TTN: variants seen among roughly 807,000 people sequenced by gnomAD.
TTN encodes the protein titin.
TTN carries 1,525 observed loss-of-function variants against 3,223.0 expected under a neutral mutation model. That is an observed-to-expected ratio of 0.47 (90% CI 0.45 to 0.49). The LOEUF (loss-of-function observed/expected upper bound fraction) is 0.49. TTN is among the 20% of genes least tolerant of loss of function. The probability of loss-of-function intolerance (pLI) is 0.00; values close to 1 mark genes in which losing one functional copy is unlikely to be tolerated. For missense variants in TTN, 40,786 were observed against 43,424.0 expected, an observed-to-expected ratio of 0.94 and a Z score of 5.40; for synonymous variants, 14,094 against 15,161.0, an observed-to-expected ratio of 0.93 and a Z score of 5.17.
intron 125 of TTN, 122 bp from the exon 126 acceptor site, chr2:178,688,900 C>T (rs982907666): frequency 6.3e-6 from 7 of 1,106,704 alleles, no homozygotes; most frequent in African/African-American, 4.7e-5. Flanking sequence ...AAACAAGTTA[C>T]ATATCACAAG....
chr2:178,649,111 T>TC lies in TTN; in HGVS notation c.40057+136dup, dbSNP rs2062496312. 4.5e-6 allele frequency: 3 copies of TC among 662,442 alleles called. No individual in the cohort carries two copies. In the South Asian group the frequency reaches 8.3e-5, roughly 18 times the overall value. The allele number at this position is 662,442 out of a possible 1,614,324, so 41.0% of individuals were successfully genotyped here. A position where few individuals can be genotyped will look rare whatever the true frequency, so the allele number is the denominator to read the frequency against. On this transcript the variant is annotated intron_variant, in intron 213 of 362. Coordinates refer to ENST00000589042, the MANE Select transcript of TTN (RefSeq NM_001267550.2). ...CTCCTGCTTGTCTGTTTCATTTTTT[T>TC]CCCTTCATTATTTCCCTTTTTTCTG...
Position 178,723,853 on chromosome 2 carries a change from G to A in TTN, c.21403+3C>T. The A allele has an allele frequency of 1.9e-6, 3 of 1,601,022 alleles. No homozygotes were observed. The East Asian group carries it at 6.7e-5, about 36-fold the overall frequency. ...TTCCTTACAAGTTTGACTGTCTACT[G>A]ACCTTGTACAGTTAGCACTGCACGA... On this transcript the variant is annotated splice_donor_region_variant and intron_variant, in intron 73 of 362. Coordinates refer to ENST00000589042, the MANE Select transcript of TTN (RefSeq NM_001267550.2).
intron 250 of TTN, chr2:178,619,346 ACT>A (rs2057911009): frequency 2.0e-6 from 1 of 494,320 alleles, no homozygotes; most frequent in Admixed American, 3.9e-5. Flanking sequence ...ATTTGCCAAG[ACT>A]CTCAGGGTGA....
In TTN at chr2:178,681,169, G is replaced by T; in HGVS notation, c.33250C>A (p.Pro11084Thr). The T allele has an allele frequency of 6.3e-7, 1 of 1,597,360 alleles. No homozygotes were observed. The highest frequency in any genetic ancestry group is 1.2e-5 in the South Asian group (1 of 86,762). Residue 11084 changes from proline to threonine, a missense_variant and splice_region_variant, in exon 138 of 363, where the codon CCT (proline) becomes ACT (threonine). Coordinates refer to ENST00000589042, the MANE Select transcript of TTN (RefSeq NM_001267550.2). The part of the protein sequence containing the change: ...KKLKPPPPKV[P>T]EEPKKVFEEK... ...TCAAAAACTTTCTTTGGTTCTTCAG[G>T]CACTTTAAAGATATTAATTATTAAA... is the stretch of plus-strand genomic sequence containing the variant.
Position 178,684,322 on chromosome 2 carries a change from G to A in TTN, c.32722+8C>T, listed in dbSNP as rs765936606. On this transcript the variant is annotated splice_region_variant and intron_variant, in intron 132 of 362. Coordinates refer to ENST00000589042, the MANE Select transcript of TTN (RefSeq NM_001267550.2). ...ACAATATTGTGCATAATGGAAGGGC[G>A]GATGTACCTCTTGCTTTTGGAGGCG... 2.0e-5 allele frequency: 32 copies of A among 1,612,598 alleles called. No homozygotes were observed. The East Asian group carries it at 2.5e-4, about 12-fold the overall frequency.
chr2:178,675,986 AT>A lies in TTN; in HGVS notation c.34387del (p.Ile11463LeufsTer5), dbSNP rs1443305324. On this transcript the variant is annotated frameshift_variant, in exon 148 of 363. Transcript: ENST00000589042. LOFTEE classifies it high-confidence loss of function. ...EPPPPPKVPE[I>X]KKKVTEKKVV... ...TTTCTTCTCTGTCACTTTCTTCTTA[AT>A]TTCAGGCACTTTAAAGACATCATTT... The A allele has an allele frequency of 6.2e-7, 1 of 1,600,594 alleles. No homozygotes were observed. Among genetic ancestry groups the A allele is most frequent in the Non-Finnish European group, 8.5e-7 (1 of 1,172,478 alleles).
rs755186242 is a variant in TTN, at chr2:178,731,919, G to A, written c.16956C>T (p.Tyr5652=). ...CCACCTCAGCCAGCAACATGACATC[G>A]TACTCCTTTAAGACTTCAATTGGCT... ...EFKPIEVLKE[Y]DVMLLAEVAG... is the part of the protein sequence containing the mutation. Residue 5652 remains tyrosine, a synonymous_variant, in exon 58 of 363, where the codon TAC becomes TAT. Coordinates refer to ENST00000589042, the MANE Select transcript of TTN (RefSeq NM_001267550.2). 22 of 1,613,398 alleles carry A rather than the reference G, an allele frequency of 1.4e-5. No homozygotes were observed. Among genetic ancestry groups the A allele is most frequent in the Non-Finnish European group, 1.9e-5 (22 of 1,179,648 alleles).
rs201693851 is a variant in TTN, at chr2:178,589,218, C to T, written c.62507G>A (p.Arg20836Gln). ...AACTACATATTTACCCCCATCACTTCGCTTTGCTTTAGTAAGAGAAAATTT... is the reference window on the plus strand; with the variant it reads ...AACTACATATTTACCCCCATCACTTTGCTTTGCTTTAGTAAGAGAAAATTT... ...SSKFSLTKAK[R>Q]SDGGKYVVTA... The change falls in exon 304 of 363, where the codon CGA becomes CAA. Residue 20836 changes from arginine to glutamine, a missense_variant. By Grantham distance (43) the Arg-to-Gln change is conservative (BLOSUM62 1). Transcript: ENST00000589042. 424 of 1,613,368 alleles carry T rather than the reference C, an allele frequency of 2.6e-4. No individual in the cohort carries two copies. Among genetic ancestry groups the T allele is most frequent in the Non-Finnish European group, 3.4e-4 (406 of 1,179,620 alleles).
At chr2:178,536,601 T>A in intron 356 of TTN, 26 bp from the exon 357 acceptor site, 1 of 1,473,846 alleles carries the variant, frequency 6.8e-7, no homozygotes, top group South Asian at 1.5e-5. Context: ...AAGATTTGAG[T>A]CATGAGATGA....
Position 178,552,268 on chromosome 2 carries a change from C to T in TTN, c.90632G>A (p.Cys30211Tyr). Residue 30211 changes from cysteine to tyrosine, a missense_variant, in exon 335 of 363, where the codon TGT (cysteine) becomes TAT (tyrosine). Transcript: ENST00000589042. ...GACTGTAATGGGGACTGCAATTCTA[C>T]ACACTGCATTATCAAGAATAACAGT... ...KYTVILDNAV[C>Y]RIAVPITVIT... is the part of the protein sequence containing the mutation. The T allele has an allele frequency of 2.5e-6, 4 of 1,613,564 alleles. No individual in the cohort carries two copies. Among genetic ancestry groups the T allele is most frequent in the Non-Finnish European group, 3.4e-6 (4 of 1,179,696 alleles).
At position 178,624,688 on chromosome 2, in the gene TTN, G is replaced by A. The variant is rs397517578; in HGVS notation, c.44592C>T (p.Val14864=). The part of the protein sequence containing the change: ...EFTKPLEDQT[V]EEGATAVLEC... ...CCAGCACTGCAGTGGCTCCCTCTTC[G>A]ACCGTCTGGTCCTCAAGAGGCTTAG... is the stretch of plus-strand genomic sequence containing the variant. Residue 14864 remains valine (V), a synonymous_variant, in exon 242 of 363, where the codon GTC becomes GTT. Transcript: ENST00000589042. 1.1e-5 allele frequency: 18 copies of A among 1,612,080 alleles called. No homozygotes were observed. In the Admixed American group the frequency reaches 1.7e-4, roughly 15 times the overall value.
In TTN at chr2:178,601,336, C is replaced by T. The variant is rs202126861; in HGVS notation, c.55661G>A (p.Arg18554Gln). 2.0e-5 allele frequency: 33 copies of T among 1,609,924 alleles called. No individual in the cohort carries two copies. The highest frequency in any genetic ancestry group is 1.3e-4 in the African/African-American group (10 of 74,880). ...LSEQQYFFRV[R>Q]AENRFGIGPP... ...GCCAATACCAAAACGGTTTTCTGCT[C>T]GCACACGGAAGAAATATTGCTGTTC... The change falls in exon 287 of 363, where the codon CGA (arginine) becomes CAA (glutamine). Residue 18554 changes from arginine (R) to glutamine (Q), a missense_variant. By Grantham distance (43) the Arg-to-Gln change is conservative. Transcript: ENST00000589042.
In TTN at chr2:178,570,674, G is replaced by A. The variant is rs368058280; in HGVS notation, c.75458C>T (p.Ser25153Leu). Residue 25153 changes from serine to leucine, a missense_variant, in exon 326 of 363, where the codon TCA becomes TTA. By Grantham distance (145) the Ser-to-Leu change is moderately radical. Coordinates refer to ENST00000589042, the MANE Select transcript of TTN (RefSeq NM_001267550.2). ...CTTTATTTCTAATCGAGCTGTGTTT[G>A]AAAGCTCCTGATCACCTTTTATCCA... is the stretch of plus-strand genomic sequence containing the variant. ...IQWIKGDQEL[S>L]NTARLEIKST... 9.7e-5 allele frequency: 157 copies of A among 1,613,506 alleles called. 1 individual carries two copies. Among genetic ancestry groups the A allele is most frequent in the South Asian group, 4.6e-4 (42 of 91,072 alleles).
At position 178,613,852 on chromosome 2, in the gene TTN, A is replaced by C. The variant is rs762353962; in HGVS notation, c.49431T>G (p.Asp16477Glu). The change falls in exon 263 of 363, where the codon GAT becomes GAG. Residue 16477 changes from aspartate to glutamate, a missense_variant. Physicochemically the swap from Asp to Glu is conservative, Grantham distance 45. Transcript: ENST00000589042. ...AGTATCCTGTGATTGGGCTGCCACC[A>C]TCATCATCTGGCTCACACCATGTGA... is the stretch of plus-strand genomic sequence containing the variant. The part of the protein sequence containing the change: ...VTLTWCEPDD[D>E]GGSPITGYWV... 6.2e-7 allele frequency: 1 copy of C among 1,612,470 alleles called. No homozygotes were observed. The highest frequency in any genetic ancestry group is 8.5e-7 in the Non-Finnish European group (1 of 1,179,078).
intron 218 of TTN, 144 bp downstream of exon 218, chr2:178,644,404 A>G: frequency 1.7e-6 from 1 of 603,440 alleles, no homozygotes; most frequent in South Asian, 3.0e-5. Flanking sequence ...CCAGGACCAT[A>G]AAAGCCACAG....
At position 178,783,067 on chromosome 2, in the gene TTN, G is replaced by GA; in HGVS notation, c.2842-4dup. On this transcript the variant is annotated splice_region_variant and splice_polypyrimidine_tract_variant and intron_variant, in intron 17 of 362. Transcript: ENST00000589042. ...ATGACAGTCACATTTTTTAAGCCCTGAAGAGAGGAGAAAAAATAAATAATG... is the reference window on the plus strand; with the variant it reads ...ATGACAGTCACATTTTTTAAGCCCTGAAAGAGAGGAGAAAAAATAAATAATG... 6.2e-7 allele frequency: 1 copy of GA among 1,613,788 alleles called. No individual in the cohort carries two copies. The highest frequency in any genetic ancestry group is 8.5e-7 in the Non-Finnish European group (1 of 1,179,804).
intron 47 of TTN, chr2:178,750,325 T>A: frequency 6.2e-7 from 1 of 1,613,334 alleles, no homozygotes; most frequent in Non-Finnish European, 8.5e-7. Flanking sequence ...TGGTTGTTTT[T>A]ACTGTTCCAT....
At chr2:178,753,550 C>T (rs73973141) in intron 46 of TTN, 2,191 of 169,372 alleles carry the variant, frequency 0.013, 56 homozygotes, top group African/African-American at 0.049. Context: ...AAAGAACATG[C>T]ATTTTCTAAA....
Position 178,624,493 on chromosome 2 carries a change from A to G in TTN, c.44787T>C (p.Phe14929=). ...CGACATTCAGGTTACAGGAAGTCTT[A>G]AAATCCTTAGCATCACAAGTGTATG... ...IKTYTCDAKD[F]KTSCNLNVVP... is the part of the protein sequence containing the mutation. Residue 14929 remains phenylalanine, a synonymous_variant, in exon 242 of 363, where the codon TTT becomes TTC. Transcript: ENST00000589042. The G allele has an allele frequency of 1.2e-6, 2 of 1,612,612 alleles. No individual in the cohort carries two copies. The highest frequency in any genetic ancestry group is 1.7e-6 in the Non-Finnish European group (2 of 1,179,040).
Sources: allele counts gnomAD v4.1 joint callset, GRCh38; gene constraint gnomAD v4.1.1; transcripts MANE v1.5; gene names NCBI Gene and HGNC (gene_info 2026-07-23, HGNC 2026-07-21).